Variants in CORO2B observed in about 807,000 individuals in gnomAD.
The protein encoded by CORO2B is coronin-2B.
A neutral mutation model predicts 58.8 loss-of-function variants in CORO2B; 26 were observed. That is an observed-to-expected ratio of 0.44 (90% CI 0.32 to 0.61). The LOEUF (loss-of-function observed/expected upper bound fraction) is 0.61, where lower values mean the gene tolerates loss of function less well. Among genes scored for constraint, CORO2B ranks in the 20% least tolerant of loss-of-function variants. CORO2B has a pLI of 0.04. For missense variants in CORO2B, 460 were observed against 645.1 expected (o/e 0.71, Z 3.11); for synonymous variants, 242 against 253.8 (o/e 0.95, Z 0.44).
At chr15:68,567,056 T>A in the CORO2B span, among the ~76,000 whole-genome samples, 1 of 152,202 alleles carries the variant, frequency 6.6e-6, no homozygotes, top group Non-Finnish European at 1.5e-5. Context: ...GTGGGTATCA[T>A]AATAAGACCT....
chr15:68,668,202 C>T (rs1902259890), intron 2 of CORO2B, among the ~76,000 whole-genome samples: 1 of 152,168 alleles, frequency 6.6e-6, no homozygotes, highest in Non-Finnish European at 1.5e-5. Flanking sequence ...CAGTGAGCCT[C>T]GGTCAGCGAG....
At chr15:68,578,919 C>G (rs1451513300), upstream of CORO2B, 9 of 625,562 alleles carry the variant, frequency 1.4e-5, no homozygotes, top group Non-Finnish European at 1.8e-5. The surrounding 1 kb of genome is among the most constrained non-coding windows in gnomAD (Gnocchi z 4.2). Flanking sequence ...CCTCCGCCTC[C>G]TCCTTTGTAG....
chr15:68,725,174 G>A (rs1269568044), intron 11 of CORO2B, among the ~76,000 whole-genome samples: 1 of 152,076 alleles, frequency 6.6e-6, no homozygotes, highest in Non-Finnish European at 1.5e-5. Flanking sequence ...TTCGAGACCA[G>A]CCTGGCCAAC....
At chr15:68,555,826 AG>A in the CORO2B span, among the ~76,000 whole-genome samples, 1,099 of 152,316 alleles carry the variant, frequency 7.2e-3, 17 homozygotes, top group African/African-American at 0.025. Flanking sequence ...GGAGGGGGAC[AG>A]GCACAGGGGT....
chr15:68,577,509 G>A (rs949230547), upstream of CORO2B, among the ~76,000 whole-genome samples: 1 of 152,056 alleles, frequency 6.6e-6, no homozygotes, highest in African/African-American at 2.4e-5. Context: ...GGATCACGAG[G>A]TCAGGAGTTC....
rs759051655 is a variant in CORO2B, at chr15:68,718,702, CAT to C, written c.973_974del (p.Met325AlafsTer58). On this transcript the variant is annotated frameshift_variant, in exon 9 of 12. Coordinates refer to ENST00000261861, the MANE Select transcript of CORO2B (RefSeq NM_006091.5). LOFTEE classifies it high-confidence loss of function. Reference protein sequence around the residue: ...SPAPQKGLGVMPKHGLDVSAC... With the variant: ...SPAPQKGLGVXPKHGLDVSAC... ...CCACATGTGTGCCTGTTACAGGGGT[CAT>C]GCCCAAGCACGGGCTGGATGTGTCA... 1 of 1,613,868 alleles carries C rather than the reference CAT, an allele frequency of 6.2e-7. No individual in the cohort carries two copies. The highest frequency in any genetic ancestry group is 1.3e-5 in the African/African-American group (1 of 74,944).
At chr15:68,573,100 G>T in the CORO2B span, among the ~76,000 whole-genome samples, 1 of 152,106 alleles carries the variant, frequency 6.6e-6, no homozygotes, top group Non-Finnish European at 1.5e-5. Flanking sequence ...CAAGGATGCA[G>T]CCCGTAGAGG....
Position 68,701,070 on chromosome 15 carries a change from C to T in CORO2B, c.333+5814C>T, listed in dbSNP as rs557010008. Among the ~76,000 whole-genome samples, 139 of 152,284 alleles carry T rather than the reference C, an allele frequency of 9.1e-4. 1 individual carries two copies. Among genetic ancestry groups the T allele is most frequent in the Non-Finnish European group, 1.6e-3 (110 of 68,018 alleles). ...CTGCCTCCTGCACACCCCCACCTCC[C>T]GAGCTCCGGAACCAATACCTCTTGG... On this transcript the variant is annotated intron_variant, in intron 3 of 11. Coordinates refer to ENST00000261861, the MANE Select transcript of CORO2B (RefSeq NM_006091.5).
At chr15:68,540,663 A>G in the CORO2B span, among the ~76,000 whole-genome samples, 33 of 152,370 alleles carry the variant, frequency 2.2e-4, 1 homozygote, top group East Asian at 6.4e-3. Flanking sequence ...TAAAATGGCA[A>G]GTACTTAAGG....
chr15:68,610,797 A>C (rs909808231), intron 1 of CORO2B, among the ~76,000 whole-genome samples: 1 of 152,198 alleles, frequency 6.6e-6, no homozygotes, highest in African/African-American at 2.4e-5. Context: ...GCCAGTCCAG[A>C]ATATTCACAT....
chr15:68,528,896 C>T, the CORO2B span, among the ~76,000 whole-genome samples: 1 of 152,022 alleles, frequency 6.6e-6, no homozygotes, highest in Non-Finnish European at 1.5e-5. Context: ...TTAGCAGAAA[C>T]AAAACTGAAA....
chr15:68,628,810 A>C (rs1420492430), intron 1 of CORO2B, among the ~76,000 whole-genome samples: 1 of 152,124 alleles, frequency 6.6e-6, no homozygotes, highest in Non-Finnish European at 1.5e-5. Context: ...CAGCCTCTCC[A>C]TTCATTCCCT....
chr15:68,687,418 G>T (rs1347957370), intron 2 of CORO2B, among the ~76,000 whole-genome samples: 1 of 152,178 alleles, frequency 6.6e-6, no homozygotes, highest in Non-Finnish European at 1.5e-5. Context: ...CTCATCCCCA[G>T]TCAGTTCACT....
chr15:68,538,594 G>C, the CORO2B span, among the ~76,000 whole-genome samples: 5 of 152,346 alleles, frequency 3.3e-5, no homozygotes, highest in African/African-American at 1.2e-4. Flanking sequence ...CATTGTCCCA[G>C]CTGATTTGGC....
intron 1 of CORO2B, among the ~76,000 whole-genome samples, chr15:68,635,231 G>C (rs972708329): frequency 6.6e-6 from 1 of 152,182 alleles, no homozygotes; most frequent in African/African-American, 2.4e-5. Flanking sequence ...TGGGCTAAGG[G>C]GGTGCAAGTT....
chr15:68,699,872 G>A (rs1356261822), intron 3 of CORO2B, among the ~76,000 whole-genome samples: 2 of 152,226 alleles, frequency 1.3e-5, no homozygotes, highest in Admixed American at 6.5e-5. Context: ...GAGGCTCAGG[G>A]CCATGGTGGG....
At chr15:68,598,045 G>A (rs952641720) in intron 1 of CORO2B, among the ~76,000 whole-genome samples, 3 of 152,210 alleles carry the variant, frequency 2.0e-5, no homozygotes, top group Non-Finnish European at 4.4e-5. Context: ...AAGAGGTGGC[G>A]CTGATTTCTC....
At chr15:68,615,951 G>A (rs922977476) in intron 1 of CORO2B, among the ~76,000 whole-genome samples, 1 of 152,204 alleles carries the variant, frequency 6.6e-6, no homozygotes, top group African/African-American at 2.4e-5. Flanking sequence ...ACTTTGCCCA[G>A]ATGAGCAGGG....
intron 2 of CORO2B, among the ~76,000 whole-genome samples, chr15:68,667,924 GC>G (rs1902247464): frequency 6.6e-6 from 1 of 152,280 alleles, no homozygotes; most frequent in African/African-American, 2.4e-5. Context: ...ACTCCCGAAA[GC>G]CTTGGATTTC....
Sources: allele counts gnomAD v4.1 joint callset (sites outside exome capture counted in the v4.1 genomes callset), GRCh38; gene constraint gnomAD v4.1.1; non-coding constraint Gnocchi (gnomAD v3.1); transcripts MANE v1.5; gene names NCBI Gene and HGNC (gene_info 2026-07-23, HGNC 2026-07-21).